RYR2: variants seen among roughly 807,000 people sequenced by gnomAD.
RYR2 encodes ryanodine receptor 2, also known as cardiac muscle ryanodine receptor-calcium release channel.
A neutral mutation model predicts 601.1 loss-of-function variants in RYR2; 227 were observed. The observed-to-expected ratio is 0.38, with a 90% CI of 0.34 to 0.42. RYR2 has a LOEUF of 0.42. Among genes scored for constraint, RYR2 ranks in the 10% least tolerant of loss-of-function variants. RYR2 has a pLI of 1.00. For missense variants in RYR2, 4,646 were observed against 6,156.5 expected (o/e 0.75, Z 8.21); for synonymous variants, 2,223 against 2,175.1 (o/e 1.02, Z -0.61).
intron 1 of RYR2, among the ~76,000 whole-genome samples, chr1:237,223,409 T>C (rs1264104411): frequency 6.6e-6 from 1 of 152,222 alleles, no homozygotes; most frequent in African/African-American, 2.4e-5. Context: ...TACCATCACA[T>C]TGTAAAATAC....
chr1:237,387,513 T>G, intron 9 of RYR2, 133 bp downstream of exon 9: 1 of 738,248 alleles, frequency 1.4e-6, no homozygotes, highest in Non-Finnish European at 2.2e-6. Context: ...TGCAGATACC[T>G]GACATTTGAG....
intron 2 of RYR2, among the ~76,000 whole-genome samples, chr1:237,316,515 T>C (rs1021939465): frequency 2.0e-5 from 3 of 152,220 alleles, no homozygotes; most frequent in Non-Finnish European, 4.4e-5. Context: ...ACCCACATAC[T>C]GTGATGTGTT....
intron 21 of RYR2, 92 bp downstream of exon 21, chr1:237,500,995 C>A: frequency 8.1e-7 from 1 of 1,241,728 alleles, no homozygotes; most frequent in Non-Finnish European, 1.2e-6. Context: ...TCTTCTCTAA[C>A]CATTGTTTGT....
At chr1:237,416,607 A>C (rs1030061269) in intron 10 of RYR2, among the ~76,000 whole-genome samples, 2 of 152,182 alleles carry the variant, frequency 1.3e-5, no homozygotes, top group Admixed American at 6.5e-5. Flanking sequence ...CTAAAACAGA[A>C]TTTGGAAGTG....
intron 23 of RYR2, among the ~76,000 whole-genome samples, chr1:237,510,126 G>A (rs894580570): frequency 1.3e-5 from 2 of 152,234 alleles, no homozygotes; most frequent in African/African-American, 4.8e-5. Flanking sequence ...CTGTGAATGT[G>A]GAAAAGCAGA....
intron 102 of RYR2, among the ~76,000 whole-genome samples, chr1:237,829,704 T>C (rs996238398): frequency 6.6e-6 from 1 of 152,196 alleles, no homozygotes; most frequent in Non-Finnish European, 1.5e-5. Context: ...ATTATAATCA[T>C]CTTGATTGTA....
At position 237,719,668 on chromosome 1, in the gene RYR2, G is replaced by A. The variant is rs562919790; in HGVS notation, c.10554+1147G>A. ...ATCAACTCAGCTCCCACCAGGCCCC[G>A]CCTCCAACACTGAGGATTACATTTC... On this transcript the variant is annotated intron_variant, in intron 73 of 104. Transcript: ENST00000366574. Among the ~76,000 whole-genome samples the A allele has an allele frequency of 7.2e-5, 11 of 152,182 alleles. No individual in the cohort carries two copies. The South Asian group carries it at 1.7e-3, about 23-fold the overall frequency.
intron 1 of RYR2, among the ~76,000 whole-genome samples, chr1:237,107,782 T>C (rs1409434965): frequency 3.3e-5 from 5 of 152,152 alleles, no homozygotes; most frequent in Non-Finnish European, 4.4e-5. Flanking sequence ...AGATTCACGG[T>C]GTCCTGCAGC....
chr1:237,766,498 G>T (rs141915718), intron 84 of RYR2, among the ~76,000 whole-genome samples: 350 of 152,244 alleles, frequency 2.3e-3, no homozygotes, highest in African/African-American at 8.2e-3. Context: ...CACAGTTAAA[G>T]AAATCCATCT....
intron 2 of RYR2, among the ~76,000 whole-genome samples, chr1:237,327,785 A>G (rs1696306750): frequency 6.6e-6 from 1 of 152,168 alleles, no homozygotes; most frequent in South Asian, 2.1e-4. Context: ...TACATATATT[A>G]TTTCATTTAT....
At chr1:237,052,625 G>GT (rs1661421049) in intron 1 of RYR2, among the ~76,000 whole-genome samples, 1 of 151,794 alleles carries the variant, frequency 6.6e-6, no homozygotes, top group Non-Finnish European at 1.5e-5. Context: ...TAAAGTGCTT[G>GT]TTTTTTTAAG....
At chr1:237,390,764 A>G (rs1029341687) in intron 10 of RYR2, among the ~76,000 whole-genome samples, 4 of 152,158 alleles carry the variant, frequency 2.6e-5, no homozygotes. Context: ...TATATGTTGA[A>G]GCCTGCCCCT....
chr1:237,270,273 C>A (rs757837483), intron 1 of RYR2: 8 of 663,724 alleles, frequency 1.2e-5, no homozygotes, highest in Admixed American at 6.2e-5. Context: ...CTTGAATGGC[C>A]GTAGCTCCCC....
chr1:237,529,465 T>C (rs988053129), intron 24 of RYR2, among the ~76,000 whole-genome samples: 9 of 152,104 alleles, frequency 5.9e-5, no homozygotes, highest in African/African-American at 2.2e-4. Flanking sequence ...TAGATACTTG[T>C]CTATATGGAA....
At chr1:237,597,878 T>C (rs144868890) in intron 34 of RYR2, among the ~76,000 whole-genome samples, 50 of 152,270 alleles carry the variant, frequency 3.3e-4, no homozygotes, top group African/African-American at 1.2e-3. Flanking sequence ...AGTTAAAATA[T>C]ATAGAGTGGC....
intron 1 of RYR2, among the ~76,000 whole-genome samples, chr1:237,231,233 A>T (rs1029634183): frequency 1.3e-5 from 2 of 152,068 alleles, no homozygotes; most frequent in African/African-American, 4.8e-5. Flanking sequence ...GGTGAAATGA[A>T]TGCTTTTTAG....
In RYR2 at chr1:237,617,360, T is replaced by C. The variant is rs764867305; in HGVS notation, c.5790T>C (p.Asp1930=). The C allele has an allele frequency of 3.2e-5, 51 of 1,614,014 alleles. No homozygotes were observed. In the South Asian group the frequency reaches 5.4e-4, roughly 17 times the overall value. Residue 1930 remains aspartate, a synonymous_variant, in exon 38 of 105, where the codon GAT becomes GAC. Coordinates refer to ENST00000366574, the MANE Select transcript of RYR2 (RefSeq NM_001035.3). ...TAGAAGCCATTGTAGCCTTTTCAGA[T>C]GATTTTGTGGCTAAGCTCCAAGACA... is the stretch of plus-strand genomic sequence containing the variant. ...HRIEAIVAFS[D]DFVAKLQDNQ...
chr1:237,626,574 C>CTTTTTTTT (rs1679680836), intron 40 of RYR2, among the ~76,000 whole-genome samples: 1 of 60,094 alleles, frequency 1.7e-5, no homozygotes, highest in East Asian at 5.2e-4. Flanking sequence ...TTTTCTTTTT[C>CTTTTTTTT]TTTTTCTTTT....
chr1:237,607,475 A>T (rs558570835), intron 35 of RYR2, among the ~76,000 whole-genome samples: 143 of 152,252 alleles, frequency 9.4e-4, no homozygotes, highest in African/African-American at 3.4e-3. Context: ...ACCTAATGTA[A>T]ATGACGCGTT....
Sources: allele counts gnomAD v4.1 joint callset (sites outside exome capture counted in the v4.1 genomes callset), GRCh38; gene constraint gnomAD v4.1.1; transcripts MANE v1.5; gene names NCBI Gene and HGNC (gene_info 2026-07-23, HGNC 2026-07-21).